The following SPAM1 variants were observed in gnomAD, a reference collection of about 807,000 sequenced individuals.
SPAM1 encodes the protein hyaluronidase PH-20.
Under a neutral mutation model 29.6 loss-of-function variants are expected in SPAM1, and 22 were observed. That is an observed-to-expected ratio of 0.74 (90% CI 0.53 to 1.06). The LOEUF (loss-of-function observed/expected upper bound fraction) is 1.06. SPAM1 is among the 50% of genes least tolerant of loss of function. The pLI, the probability that SPAM1 is intolerant of heterozygous loss-of-function variation, is 0.00. For missense variants in SPAM1, 534 were observed against 604.0 expected (o/e 0.88, Z 1.21); for synonymous variants, 194 against 204.6 (o/e 0.95, Z 0.44).
At chr7:123,950,793 G>A (rs1225929552) in intron 2 of SPAM1, among the ~76,000 whole-genome samples, 4 of 152,028 alleles carry the variant, frequency 2.6e-5, no homozygotes, top group Admixed American at 6.6e-5. Context: ...GTGGGATTGC[G>A]AGGATGATTG....
chr7:123,959,567 T>C lies in SPAM1; in HGVS notation c.1128T>C (p.Cys376=), dbSNP rs751227355. ...IINVTLAAKM[C]SQVLCQEQGV... is the part of the protein sequence containing the mutation. ...ACGTCACACTAGCAGCCAAAATGTG[T>C]AGCCAAGTGCTTTGCCAGGAGCAAG... Residue 376 remains cysteine (C), a synonymous_variant, in exon 5 of 5, where the codon TGT becomes TGC. Coordinates refer to ENST00000682466, the MANE Select transcript of SPAM1 (RefSeq NM_153189.3). The C allele has an allele frequency of 6.2e-7, 1 of 1,613,160 alleles. No homozygotes were observed. Among genetic ancestry groups the C allele is most frequent in the South Asian group, 1.1e-5 (1 of 91,046 alleles).
intron 1 of SPAM1, among the ~76,000 whole-genome samples, chr7:123,949,423 G>A (rs1476486216): frequency 1.3e-5 from 2 of 152,004 alleles, no homozygotes; most frequent in African/African-American, 4.8e-5. Context: ...TACTTCAACT[G>A]TGTGTATTTT....
At chr7:123,964,377 ACTT>A (rs1792396581), downstream of SPAM1, among the ~76,000 whole-genome samples, 1 of 151,924 alleles carries the variant, frequency 6.6e-6, no homozygotes, top group African/African-American at 2.4e-5. Context: ...ATCACATATC[ACTT>A]CTTTTATTCT....
intron 1 of SPAM1, among the ~76,000 whole-genome samples, chr7:123,944,064 G>T (rs979094079): frequency 6.6e-6 from 1 of 152,090 alleles, no homozygotes; most frequent in Non-Finnish European, 1.5e-5. Flanking sequence ...TCTTGCTTCA[G>T]CGTGCCTTCA....
chr7:123,961,324 C>A (rs1176019929), downstream of SPAM1, among the ~76,000 whole-genome samples: 1 of 151,886 alleles, frequency 6.6e-6, no homozygotes, highest in Non-Finnish European at 1.5e-5. Flanking sequence ...TTCTCTCCTC[C>A]CATCCTTCCT....
chr7:123,952,707 G>C (rs1792140045), intron 2 of SPAM1, among the ~76,000 whole-genome samples: 1 of 152,122 alleles, frequency 6.6e-6, no homozygotes, highest in Admixed American at 6.6e-5. Context: ...GATCCTTTTA[G>C]TAGAAAATAC....
intron 1 of SPAM1, among the ~76,000 whole-genome samples, chr7:123,934,998 G>T (rs1808208799): frequency 6.6e-6 from 1 of 152,090 alleles, no homozygotes; most frequent in Non-Finnish European, 1.5e-5. Context: ...GATTTTGATT[G>T]TTCATAATAT....
chr7:123,944,663 A>G (rs1042257970), intron 1 of SPAM1, among the ~76,000 whole-genome samples: 3 of 152,172 alleles, frequency 2.0e-5, no homozygotes, highest in South Asian at 2.1e-4. Flanking sequence ...AGCACAGAAT[A>G]TTATGTTGGA....
At chr7:123,969,508 G>A (rs1218875449) in intron 5 of SPAM1, among the ~76,000 whole-genome samples, 3 of 151,874 alleles carry the variant, frequency 2.0e-5, no homozygotes, top group Admixed American at 1.3e-4. Context: ...CTGCATATGG[G>A]TATCCAGTTC....
intron 1 of SPAM1, among the ~76,000 whole-genome samples, chr7:123,940,931 A>T (rs1240122808): frequency 6.6e-6 from 1 of 152,216 alleles, no homozygotes; most frequent in East Asian, 1.9e-4. Flanking sequence ...AGGATTCAAT[A>T]TTTCCAATTC....
rs1461516903 is a variant in SPAM1 at position 123,953,721 on chromosome 7, T to C, written c.151T>C (p.Trp51Arg). Residue 51 changes from tryptophan (W) to arginine (R), a missense_variant, in exon 3 of 5, where the codon TGG (tryptophan) becomes CGG (arginine). Coordinates refer to ENST00000682466, the MANE Select transcript of SPAM1 (RefSeq NM_153189.3). ...TGTTATTCCAAATGTGCCTTTCCTC[T>C]GGGCCTGGAATGCCCCAAGTGAATT... ...PPVIPNVPFL[W>R]AWNAPSEFCL... The C allele has an allele frequency of 2.5e-6, 4 of 1,613,440 alleles. No homozygotes were observed.
intron 1 of SPAM1, among the ~76,000 whole-genome samples, chr7:123,929,220 T>TC (rs1807990944): frequency 2.0e-5 from 3 of 152,160 alleles, no homozygotes; most frequent in African/African-American, 7.2e-5. Context: ...TGAGTGTACT[T>TC]TTCAACCTTA....
intron 1 of SPAM1, among the ~76,000 whole-genome samples, chr7:123,932,906 C>T (rs1219541601): frequency 6.6e-6 from 1 of 152,088 alleles, no homozygotes; most frequent in Non-Finnish European, 1.5e-5. Context: ...CCAATGATAT[C>T]CCAATCTCAT....
At chr7:123,934,536 A>C (rs1808193317) in intron 1 of SPAM1, among the ~76,000 whole-genome samples, 2 of 152,150 alleles carry the variant, frequency 1.3e-5, no homozygotes, top group Non-Finnish European at 2.9e-5. Context: ...AGATATCTGC[A>C]CTCTCATGTT....
At chr7:123,942,948 A>G (rs1041927298) in intron 1 of SPAM1, among the ~76,000 whole-genome samples, 1 of 152,234 alleles carries the variant, frequency 6.6e-6, no homozygotes, top group African/African-American at 2.4e-5. Flanking sequence ...GCAAATAACT[A>G]TATTGCTATA....
chr7:123,958,139 G>A (rs973593010), intron 4 of SPAM1, among the ~76,000 whole-genome samples: 4 of 151,948 alleles, frequency 2.6e-5, no homozygotes, highest in Non-Finnish European at 5.9e-5. Context: ...AACAATAGAT[G>A]GCATCATCTC....
Position 123,954,352 on chromosome 7 carries a change from C to T in SPAM1, c.782C>T (p.Pro261Leu). ...TGGAATGAAAGCACTGCTCTTTACC[C>T]ATCCATTTATTTGAACACTCAGCAG... ...WLWNESTALYPSIYLNTQQSP... is the reference protein window; with the variant it reads ...WLWNESTALYLSIYLNTQQSP... The change falls in exon 3 of 5, where the codon CCA becomes CTA. Residue 261 changes from proline (P) to leucine (L), a missense_variant. By Grantham distance (98) the Pro-to-Leu change is moderately conservative (BLOSUM62 -3). Coordinates refer to ENST00000682466, the MANE Select transcript of SPAM1 (RefSeq NM_153189.3). 3 of 1,613,432 alleles carry T rather than the reference C, an allele frequency of 1.9e-6. No individual in the cohort carries two copies. Among genetic ancestry groups the T allele is most frequent in the African/African-American group, 1.3e-5 (1 of 74,978 alleles).
At chr7:123,961,529 G>A (rs1392605299), downstream of SPAM1, among the ~76,000 whole-genome samples, 2 of 151,760 alleles carry the variant, frequency 1.3e-5, no homozygotes, top group Non-Finnish European at 2.9e-5. Context: ...GTAGTATTCC[G>A]TTGTGTATAT....
exon 7 of SPAM1, chr7:123,971,088 G>T (rs1182590393): frequency 1.3e-5 from 2 of 152,014 alleles, no homozygotes; most frequent in Non-Finnish European, 2.9e-5. Flanking sequence ...TGGGGAGAAG[G>T]CAAGTTACAA....
Sources: gnomAD v4.1 joint callset for allele counts (sites outside exome capture counted in the v4.1 genomes callset) on GRCh38, gnomAD v4.1.1 for gene constraint, MANE v1.5 for transcripts, NCBI Gene and HGNC (gene_info 2026-07-23, HGNC 2026-07-21) for gene names.